Variants in NFX1 observed in about 807,000 individuals in gnomAD.
NFX1 encodes the protein transcriptional repressor NF-X1.
NFX1 carries 69 observed loss-of-function variants against 137.2 expected under a neutral mutation model. That is an observed-to-expected ratio of 0.50 (90% CI 0.41 to 0.61). The LOEUF (loss-of-function observed/expected upper bound fraction) is 0.61. NFX1 is among the 20% of genes least tolerant of loss of function. The probability of loss-of-function intolerance (pLI) is 0.00; values close to 1 mark genes in which losing one functional copy is unlikely to be tolerated. For synonymous variants in NFX1, 495 were observed against 474.1 expected (o/e 1.04, Z -0.57); for missense variants, 1,167 against 1,391.0 (o/e 0.84, Z 2.56).
chr9:33,306,532 G>A (rs1271213525), intron 4 of NFX1, among the ~76,000 whole-genome samples: 1 of 152,154 alleles, frequency 6.6e-6, no homozygotes, highest in African/African-American at 2.4e-5. Context: ...AGAGAGAAAA[G>A]CAGAGGCCAT....
At chr9:33,329,421 G>T (rs955823870) in intron 10 of NFX1, among the ~76,000 whole-genome samples, 17 of 152,060 alleles carry the variant, frequency 1.1e-4, no homozygotes, top group Admixed American at 2.0e-4. Flanking sequence ...ATCCAGTGTG[G>T]CCAGCCTGCT....
intron 7 of NFX1, among the ~76,000 whole-genome samples, chr9:33,316,725 A>G (rs945133794): frequency 6.6e-6 from 1 of 152,200 alleles, no homozygotes; most frequent in African/African-American, 2.4e-5. Flanking sequence ...AAATGGGTTA[A>G]GGCTGGCAAC....
At chr9:33,315,095 G>A (rs370685754) in intron 7 of NFX1, among the ~76,000 whole-genome samples, 5 of 152,054 alleles carry the variant, frequency 3.3e-5, no homozygotes, top group African/African-American at 7.2e-5. Context: ...GCGTGTTGGC[G>A]GGCGCCGGTA....
intron 1 of NFX1, among the ~76,000 whole-genome samples, chr9:33,290,853 C>G (rs1398977542): frequency 6.6e-6 from 1 of 152,242 alleles, no homozygotes; most frequent in Admixed American, 6.5e-5. Context: ...ATGTGGGTGC[C>G]CTGCCTTCCC....
At chr9:33,329,516 C>T (rs1392583571) in intron 10 of NFX1, among the ~76,000 whole-genome samples, 1 of 152,172 alleles carries the variant, frequency 6.6e-6, no homozygotes, top group Non-Finnish European at 1.5e-5. Context: ...TTCCACTAGG[C>T]TTAGAGATTA....
At chr9:33,308,850 A>G (rs1413792658) in intron 5 of NFX1, among the ~76,000 whole-genome samples, 2 of 151,988 alleles carry the variant, frequency 1.3e-5, no homozygotes, top group East Asian at 1.9e-4. Context: ...GAGGGATAAT[A>G]TTGGACCAGG....
intron 19 of NFX1, among the ~76,000 whole-genome samples, chr9:33,357,234 G>A (rs1040684457): frequency 2.0e-5 from 3 of 151,964 alleles, no homozygotes; most frequent in South Asian, 2.1e-4. Flanking sequence ...CCCAGGAGGC[G>A]GAGCTTGCAG....
At chr9:33,299,978 T>G (rs1388871617) in intron 2 of NFX1, among the ~76,000 whole-genome samples, 1 of 152,110 alleles carries the variant, frequency 6.6e-6, no homozygotes, top group Non-Finnish European at 1.5e-5. Flanking sequence ...TTTTGACTTT[T>G]AAATTTCTAG....
At chr9:33,368,913 C>T (rs1358337071) in intron 23 of NFX1, among the ~76,000 whole-genome samples, 1 of 152,066 alleles carries the variant, frequency 6.6e-6, no homozygotes, top group Non-Finnish European at 1.5e-5. Context: ...AGCCAGGTGT[C>T]CTAGGTTCTG....
chr9:33,310,572 A>G (rs569721993), intron 5 of NFX1, among the ~76,000 whole-genome samples: 3 of 151,892 alleles, frequency 2.0e-5, no homozygotes, highest in South Asian at 2.1e-4. Context: ...CATTCTCTCC[A>G]TGTTACTCAC....
rs201117106 is a variant in NFX1 at position 33,294,915 on chromosome 9, T to G, written c.521T>G (p.Phe174Cys). The part of the protein sequence containing the change: ...RGAKPKKATQ[F>C]VYSYGRGPKV... ...GCAAAACCCAAAAAAGCAACACAGT[T>G]TGTATACAGCTATGGTAGAGGACCA... Residue 174 changes from phenylalanine to cysteine, a missense_variant, in exon 2 of 24, where the codon TTT becomes TGT. Around this residue, in one of 3 missense-constraint regions of NFX1, gnomAD observed 367 missense variants for 386.7 expected, o/e 0.95. Transcript: ENST00000379540. 6.2e-7 allele frequency: 1 copy of G among 1,614,014 alleles called. No individual in the cohort carries two copies. The highest frequency in any genetic ancestry group is 8.5e-7 in the Non-Finnish European group (1 of 1,180,010).
intron 9 of NFX1, among the ~76,000 whole-genome samples, chr9:33,325,634 A>C (rs1440454213): frequency 6.6e-6 from 1 of 152,200 alleles, no homozygotes; most frequent in Non-Finnish European, 1.5e-5. Flanking sequence ...ACTGCACTCC[A>C]GCCTGGGCAA....
chr9:33,329,701 C>A (rs1822730629), intron 10 of NFX1, among the ~76,000 whole-genome samples: 1 of 151,512 alleles, frequency 6.6e-6, no homozygotes, highest in Non-Finnish European at 1.5e-5. Flanking sequence ...CTCCATCACC[C>A]AGGATGGAGT....
Position 33,351,628 on chromosome 9 carries a change from A to C in NFX1, c.2493A>C (p.Pro831=). 6.2e-7 allele frequency: 1 copy of C among 1,614,186 alleles called. No individual in the cohort carries two copies. The highest frequency in any genetic ancestry group is 1.1e-5 in the South Asian group (1 of 91,092). Residue 831 remains proline (P), a synonymous_variant, in exon 16 of 24, where the codon CCA becomes CCC. Coordinates refer to ENST00000379540, the MANE Select transcript of NFX1 (RefSeq NM_002504.6). ...SCGLPCSATL[P]CGMHKCQRLC... ...GATTACCCTGCAGTGCCACGCTACC[A>C]TGTGGGATGCACAAATGTCAGAGAC...
At chr9:33,321,625 C>T (rs2118410156) in intron 9 of NFX1, among the ~76,000 whole-genome samples, 1 of 152,316 alleles carries the variant, frequency 6.6e-6, no homozygotes, top group South Asian at 2.1e-4. Context: ...CCTATAATCT[C>T]AGCACTTTGG....
chr9:33,301,571 C>T (rs889362166), intron 3 of NFX1, 150 bp downstream of exon 3: 43 of 694,704 alleles, frequency 6.2e-5, no homozygotes, highest in Middle Eastern at 4.2e-4. Context: ...TTTCATATGA[C>T]CAGAATTAAG....
intron 19 of NFX1, among the ~76,000 whole-genome samples, chr9:33,356,967 T>C (rs1342057170): frequency 6.8e-6 from 1 of 147,142 alleles, no homozygotes; most frequent in Non-Finnish European, 1.5e-5. Context: ...ACTATACTTT[T>C]GGTGACAGAG....
chr9:33,297,215 G>C (rs1821387666), intron 2 of NFX1, among the ~76,000 whole-genome samples: 2 of 152,124 alleles, frequency 1.3e-5, no homozygotes, highest in Admixed American at 6.6e-5. Flanking sequence ...GTTTTATTCT[G>C]CTAGCTCTTC....
chr9:33,316,403 C>T (rs1822165030), intron 7 of NFX1, among the ~76,000 whole-genome samples: 2 of 151,792 alleles, frequency 1.3e-5, no homozygotes, highest in South Asian at 4.1e-4. Context: ...TACAGATGCA[C>T]ACCACCATGC....
Sources: gnomAD v4.1 joint callset for allele counts (sites outside exome capture counted in the v4.1 genomes callset) on GRCh38, gnomAD v4.1.1 for gene constraint, gnomAD v4.1.1 regional missense constraint, MANE v1.5 for transcripts, NCBI Gene and HGNC (gene_info 2026-07-23, HGNC 2026-07-21) for gene names.